Variants in IGSF10 observed in about 807,000 individuals in gnomAD.
IGSF10 encodes the protein immunoglobulin superfamily member 10, also known as calvaria mechanical force protein 608.
Under a neutral mutation model 128.2 loss-of-function variants are expected in IGSF10, and 126 were observed. The observed-to-expected ratio is 0.98, with a 90% CI of 0.85 to 1.14. The LOEUF (loss-of-function observed/expected upper bound fraction) is 1.14, where lower values mean the gene tolerates loss of function less well. Among genes scored for constraint, IGSF10 ranks in the 50% most tolerant of loss-of-function variants. The pLI is 0.00. For synonymous variants in IGSF10, 1,185 were observed against 1,146.2 expected, an observed-to-expected ratio of 1.03 and a Z score of -0.68; for missense variants, 3,295 against 3,149.8, an observed-to-expected ratio of 1.05 and a Z score of -1.10.
the IGSF10 span, among the ~76,000 whole-genome samples, chr3:151,506,785 C>T: frequency 6.6e-6 from 1 of 151,874 alleles, no homozygotes; most frequent in African/African-American, 2.4e-5. Flanking sequence ...TTTCTTATGG[C>T]AACAAAACCA....
chr3:151,615,161 T>C, the IGSF10 span, among the ~76,000 whole-genome samples: 34 of 150,718 alleles, frequency 2.3e-4, no homozygotes, highest in East Asian at 6.6e-3. Flanking sequence ...CCCTCTAATG[T>C]TACATTTGAT....
chr3:151,588,608 T>G, the IGSF10 span, among the ~76,000 whole-genome samples: 38 of 152,306 alleles, frequency 2.5e-4, no homozygotes, highest in Non-Finnish European at 2.9e-4. Context: ...TGTATACAAT[T>G]TATGACAACT....
At chr3:151,559,266 T>C in the IGSF10 span, among the ~76,000 whole-genome samples, 2 of 152,248 alleles carry the variant, frequency 1.3e-5, no homozygotes, top group African/African-American at 4.8e-5. Flanking sequence ...GGCAGAGTGT[T>C]TTCTAATAAT....
intron 5 of IGSF10, among the ~76,000 whole-genome samples, chr3:151,451,809 A>G (rs1049093236): frequency 6.6e-6 from 1 of 152,260 alleles, no homozygotes; most frequent in African/African-American, 2.4e-5. Context: ...AAGTATGTAA[A>G]AAAGAATGGA....
At chr3:151,557,485 G>A in the IGSF10 span, among the ~76,000 whole-genome samples, 2 of 152,042 alleles carry the variant, frequency 1.3e-5, no homozygotes, top group African/African-American at 2.4e-5. Flanking sequence ...AGACGGAGGA[G>A]CCTCAGAAAA....
chr3:151,509,352 T>C, the IGSF10 span, among the ~76,000 whole-genome samples: 1 of 152,178 alleles, frequency 6.6e-6, no homozygotes, highest in Non-Finnish European at 1.5e-5. Flanking sequence ...AACCCATCAG[T>C]TATCAGTGCT....
the IGSF10 span, among the ~76,000 whole-genome samples, chr3:151,526,750 C>T: frequency 6.6e-6 from 1 of 152,090 alleles, no homozygotes; most frequent in East Asian, 1.9e-4. Flanking sequence ...TTCTCCCTTT[C>T]TTTCAAACTA....
In IGSF10 at chr3:151,437,628, A is replaced by C. The variant is rs780539580; in HGVS notation, c.6933T>G (p.Phe2311Leu). ...CACCTTCATTTCGGGCCACACAGATAAAGTCGGCTGAATCTGAAAGCCTCA... is the reference window on the plus strand; with the variant it reads ...CACCTTCATTTCGGGCCACACAGATCAAGTCGGCTGAATCTGAAAGCCTCA... Reference protein sequence around the residue: ...RNVRLSDSADFICVARNEGGE... With the variant: ...RNVRLSDSADLICVARNEGGE... Residue 2311 changes from phenylalanine (F) to leucine (L), a missense_variant, in exon 8 of 8, where the codon TTT becomes TTG. By Grantham distance (22) the Phe-to-Leu change is conservative. Coordinates refer to ENST00000282466, the MANE Select transcript of IGSF10 (RefSeq NM_178822.5). 3 of 1,614,072 alleles carry C rather than the reference A, an allele frequency of 1.9e-6. No individual in the cohort carries two copies. The African/African-American group carries it at 4.0e-5, about 22-fold the overall frequency.
the IGSF10 span, among the ~76,000 whole-genome samples, chr3:151,557,859 C>G: frequency 7.9e-4 from 118 of 149,698 alleles, 1 homozygote; most frequent in African/African-American, 2.7e-3. Context: ...GTTAACTCAT[C>G]TTCAGTATAT....
the IGSF10 span, among the ~76,000 whole-genome samples, chr3:151,481,931 T>C: frequency 6.6e-6 from 1 of 152,154 alleles, no homozygotes; most frequent in Admixed American, 6.5e-5. Context: ...CAGTCATCGC[T>C]AACATTGATC....
chr3:151,587,752 G>A, the IGSF10 span, among the ~76,000 whole-genome samples: 13 of 152,156 alleles, frequency 8.5e-5, no homozygotes, highest in Admixed American at 7.9e-4. Flanking sequence ...GAATTATGGG[G>A]GCAGGTCTTT....
At position 151,454,864 on chromosome 3, in the gene IGSF10, G is replaced by C. The variant is rs184198319; in HGVS notation, c.325-1090C>G. ...CATATACACACACAAAATTAGCCGGGCATGGTGGCACACACACATACTCCC... is the reference window on the plus strand; with the variant it reads ...CATATACACACACAAAATTAGCCGGCCATGGTGGCACACACACATACTCCC... On this transcript the variant is annotated intron_variant, in intron 4 of 7. Coordinates refer to ENST00000282466, the MANE Select transcript of IGSF10 (RefSeq NM_178822.5). 1.3e-4 allele frequency among the ~76,000 whole-genome samples: 19 copies of C among 151,932 alleles called. No individual in the cohort carries two copies. In the East Asian group the frequency reaches 3.3e-3, roughly 27 times the overall value.
At chr3:151,528,839 T>C in the IGSF10 span, among the ~76,000 whole-genome samples, 7 of 150,572 alleles carry the variant, frequency 4.6e-5, no homozygotes, top group Non-Finnish European at 8.9e-5. Flanking sequence ...GTACCTGGAA[T>C]GCTAGTGAGA....
chr3:151,530,567 T>A, the IGSF10 span, among the ~76,000 whole-genome samples: 5 of 152,144 alleles, frequency 3.3e-5, no homozygotes, highest in Admixed American at 3.3e-4. Flanking sequence ...TATTCAACGT[T>A]CTTAAAGAAG....
the IGSF10 span, among the ~76,000 whole-genome samples, chr3:151,552,020 A>G: frequency 6.6e-6 from 1 of 152,124 alleles, no homozygotes; most frequent in Admixed American, 6.6e-5. Context: ...GTTGAATTGT[A>G]ATCCCCAGTG....
intron 6 of IGSF10, 44 bp from the exon 7 acceptor site, chr3:151,443,928 T>G (rs774371447): frequency 6.0e-5 from 88 of 1,459,046 alleles, no homozygotes; most frequent in Non-Finnish European, 7.6e-5. Flanking sequence ...TCATCAAAGT[T>G]TATTTAGAAA....
the IGSF10 span, among the ~76,000 whole-genome samples, chr3:151,508,517 T>G: frequency 2.0e-5 from 3 of 152,146 alleles, no homozygotes; most frequent in Non-Finnish European, 4.4e-5. Context: ...TTTGGGAAAC[T>G]GAGTCTCCTT....
At chr3:151,469,198 T>A in the IGSF10 span, among the ~76,000 whole-genome samples, 1 of 152,228 alleles carries the variant, frequency 6.6e-6, no homozygotes, top group South Asian at 2.1e-4. Context: ...GCAATGAACA[T>A]ATGCATGCAT....
At chr3:151,502,859 G>A in the IGSF10 span, among the ~76,000 whole-genome samples, 1 of 152,022 alleles carries the variant, frequency 6.6e-6, no homozygotes, top group South Asian at 2.1e-4. Context: ...AAACCAGAAA[G>A]GTGCTTTCGT....
Sources: allele counts gnomAD v4.1 joint callset (sites outside exome capture counted in the v4.1 genomes callset), GRCh38; gene constraint gnomAD v4.1.1; transcripts MANE v1.5; gene names NCBI Gene and HGNC (gene_info 2026-07-23, HGNC 2026-07-21).